The following NCR1 variants were observed in gnomAD, a reference collection of about 807,000 sequenced individuals.
NCR1 encodes natural cytotoxicity triggering receptor 1.
In NCR1, 30 loss-of-function variants were observed where a neutral mutation model predicts 32.5. The observed-to-expected ratio is 0.92, with a 90% CI of 0.69 to 1.25. The LOEUF (loss-of-function observed/expected upper bound fraction) is 1.25, where lower values mean the gene tolerates loss of function less well. Among genes scored for constraint, NCR1 ranks in the 50% most tolerant of loss-of-function variants. The pLI is 0.00. For missense variants in NCR1, 369 were observed against 380.7 expected (o/e 0.97, Z 0.26); for synonymous variants, 169 against 143.4 (o/e 1.18, Z -1.28).
At chr19:54,929,977 C>T in the NCR1 span, among the ~76,000 whole-genome samples, 5 of 151,162 alleles carry the variant, frequency 3.3e-5, no homozygotes, top group Admixed American at 1.3e-4. Flanking sequence ...TAGCCAGGCA[C>T]GGTGGCGGGC....
chr19:54,934,709 C>CTATCA, the NCR1 span: 4 of 1,471,736 alleles, frequency 2.7e-6, no homozygotes, highest in Non-Finnish European at 3.7e-6. This position sits in a 1 kb window ranked among gnomAD's most constrained non-coding sequence, Gnocchi z 6.7. Flanking sequence ...AGAGTATACC[C>CTATCA]TATCAGCTTT....
At chr19:54,934,579 A>G in the NCR1 span, 1 of 1,614,130 alleles carries the variant, frequency 6.2e-7, no homozygotes, top group Non-Finnish European at 8.5e-7. This position sits in a 1 kb window ranked among gnomAD's most constrained non-coding sequence, Gnocchi z 6.7. Context: ...TGAGAGACGC[A>G]GGTGCTTCAG....
At chr19:54,936,362 G>A in the NCR1 span, 24 of 1,613,890 alleles carry the variant, frequency 1.5e-5, no homozygotes, top group South Asian at 1.2e-4. Context: ...TCAGGTGCGT[G>A]AGGGTCTTCT....
At chr19:54,901,940 C>G (rs1569535354), upstream of NCR1, among the ~76,000 whole-genome samples, 1 of 152,202 alleles carries the variant, frequency 6.6e-6, no homozygotes, top group Non-Finnish European at 1.5e-5. Flanking sequence ...TGCACTCCAG[C>G]CTGGGCTACA....
At chr19:54,903,689 ATG>A (rs1486355237), upstream of NCR1, among the ~76,000 whole-genome samples, 3 of 148,762 alleles carry the variant, frequency 2.0e-5, no homozygotes, top group Admixed American at 6.9e-5. Flanking sequence ...AAATGTATAT[ATG>A]TGTATATATA....
downstream of NCR1, among the ~76,000 whole-genome samples, chr19:54,918,265 C>T (rs1460804427): frequency 6.6e-6 from 1 of 150,628 alleles, no homozygotes; most frequent in Non-Finnish European, 1.5e-5. Flanking sequence ...GAGTCTGAGC[C>T]CTTTATTTTA....
At chr19:54,909,939 A>AG (rs2067873503) in intron 4 of NCR1, 79 bp from the exon 5 acceptor site, 3 of 1,218,814 alleles carry the variant, frequency 2.5e-6, no homozygotes, top group Non-Finnish European at 3.4e-6. Flanking sequence ...CATCTCAAAA[A>AG]AAAAAAAAAA....
chr19:54,922,982 A>G, the NCR1 span, among the ~76,000 whole-genome samples: 2 of 151,640 alleles, frequency 1.3e-5, no homozygotes, highest in African/African-American at 4.8e-5. Flanking sequence ...AGAGAGAGAG[A>G]CACATACACA....
At chr19:54,909,216 T>G in intron 3 of NCR1, 29 bp from the exon 4 acceptor site, 1 of 1,590,572 alleles carries the variant, frequency 6.3e-7, no homozygotes, top group Non-Finnish European at 8.6e-7. Context: ...ACTGAGTTTC[T>G]GGTGTGGTGG....
chr19:54,936,576 C>T, the NCR1 span: 15 of 735,332 alleles, frequency 2.0e-5, no homozygotes, highest in Non-Finnish European at 3.6e-5. Context: ...AACCCCAGCA[C>T]TTTGGGAGGC....
At chr19:54,927,555 C>A in the NCR1 span, 1 of 1,545,214 alleles carries the variant, frequency 6.5e-7, no homozygotes, top group Non-Finnish European at 8.7e-7. Context: ...GACTCCATCT[C>A]AAAAAAACAA....
At chr19:54,934,496 T>C in the NCR1 span, 5 of 1,613,936 alleles carry the variant, frequency 3.1e-6, no homozygotes, top group South Asian at 5.5e-5. This position sits in a 1 kb window ranked among gnomAD's most constrained non-coding sequence, Gnocchi z 6.7. Flanking sequence ...TACGACAACA[T>C]CTGCAGGAAG....
At chr19:54,898,263 C>T in the NCR1 span, among the ~76,000 whole-genome samples, 1 of 152,174 alleles carries the variant, frequency 6.6e-6, no homozygotes, top group South Asian at 2.1e-4. Context: ...CAGTGGGGTC[C>T]CGCACAGATG....
the NCR1 span, chr19:54,927,662 C>T: frequency 1.2e-6 from 2 of 1,614,110 alleles, no homozygotes; most frequent in Non-Finnish European, 1.7e-6. Flanking sequence ...CTTAATTATG[C>T]CACTCTTCCA....
the NCR1 span, among the ~76,000 whole-genome samples, chr19:54,900,900 A>G: frequency 3.3e-5 from 5 of 152,194 alleles, no homozygotes; most frequent in East Asian, 7.7e-4. Flanking sequence ...CAACTCCGTG[A>G]ATACCACAAA....
the NCR1 span, chr19:54,937,962 A>G: frequency 9.7e-7 from 1 of 1,033,286 alleles, no homozygotes; most frequent in Admixed American, 1.7e-5. Context: ...ATGAAACAGC[A>G]CATTTCCAAA....
the NCR1 span, chr19:54,930,782 CTT>C: frequency 1.2e-6 from 1 of 848,496 alleles, no homozygotes; most frequent in East Asian, 2.5e-5. Context: ...GTGCTGCACT[CTT>C]GGCTCACTGC....
chr19:54,907,277 T>A (rs1222703602), intron 3 of NCR1, among the ~76,000 whole-genome samples: 1 of 151,346 alleles, frequency 6.6e-6, no homozygotes, highest in East Asian at 1.9e-4. Flanking sequence ...AGCCTCAGCT[T>A]CCCAAGTAGC....
At chr19:54,900,097 G>A in the NCR1 span, among the ~76,000 whole-genome samples, 4 of 152,270 alleles carry the variant, frequency 2.6e-5, no homozygotes, top group Admixed American at 2.6e-4. Context: ...GAGGTCGTAG[G>A]TGGATCTTTC....
Sources: gnomAD v4.1 joint callset for allele counts (sites outside exome capture counted in the v4.1 genomes callset) on GRCh38, gnomAD v4.1.1 for gene constraint, Gnocchi (gnomAD v3.1) non-coding constraint, MANE v1.5 for transcripts, NCBI Gene and HGNC (gene_info 2026-07-23, HGNC 2026-07-21) for gene names.